The following NXPH1 variants were observed in gnomAD, a reference collection of about 807,000 sequenced individuals.
NXPH1 encodes neurexophilin-1.
A neutral mutation model predicts 23.7 loss-of-function variants in NXPH1; 5 were observed. That is an observed-to-expected ratio of 0.21 (90% CI 0.11 to 0.44). The LOEUF (loss-of-function observed/expected upper bound fraction) is 0.44, where lower values mean the gene tolerates loss of function less well. Ranked by LOEUF, NXPH1 falls within the 20% of genes least tolerant of loss-of-function variation. The pLI, the probability that NXPH1 is intolerant of heterozygous loss-of-function variation, is 0.99. For missense variants in NXPH1, 324 were observed against 321.6 expected (o/e 1.01, Z -0.06); for synonymous variants, 144 against 122.2 (o/e 1.18, Z -1.18).
chr7:8,659,548 C>G (rs1820636662), intron 2 of NXPH1, among the ~76,000 whole-genome samples: 1 of 152,026 alleles, frequency 6.6e-6, no homozygotes, highest in African/African-American at 2.4e-5. Context: ...CACTTGGACA[C>G]AGGAAGGGGA....
Position 8,751,446 on chromosome 7 carries a change from G to T in NXPH1, c.493G>T (p.Val165Phe), listed in dbSNP as rs911336556. 1 of 1,613,724 alleles carries T rather than the reference G, an allele frequency of 6.2e-7. No homozygotes were observed. Among genetic ancestry groups the T allele is most frequent in the Non-Finnish European group, 8.5e-7 (1 of 1,179,846 alleles). The change falls in exon 3 of 3, where the codon GTC (valine) becomes TTC (phenylalanine). Residue 165 changes from valine to phenylalanine, a missense_variant. Physicochemically the swap from Val to Phe is conservative, Grantham distance 50 (BLOSUM62 -1). Coordinates refer to ENST00000405863, the MANE Select transcript of NXPH1 (RefSeq NM_152745.3). This position sits in a 1 kb window ranked among gnomAD's most constrained non-coding sequence, Gnocchi z 4.5. Reference sequence around the variant, plus strand: ...TTCAACTGGTCAAGGGAATGTATCTGTCAGCTTGGTACCCCCTACAAAAAT... The same window carrying T: ...TTCAACTGGTCAAGGGAATGTATCTTTCAGCTTGGTACCCCCTACAAAAAT... ...HNSTGQGNVS[V>F]SLVPPTKIVE...
chr7:8,609,070 T>A (rs1356574779), intron 2 of NXPH1, among the ~76,000 whole-genome samples: 1 of 152,172 alleles, frequency 6.6e-6, no homozygotes. Context: ...CATCACTGTT[T>A]ACAAGAACCT....
At chr7:8,568,177 C>T (rs1818580875) in intron 2 of NXPH1, among the ~76,000 whole-genome samples, 1 of 151,690 alleles carries the variant, frequency 6.6e-6, no homozygotes, top group Non-Finnish European at 1.5e-5. Flanking sequence ...ATGGTAGAAA[C>T]CTCTGTTGAC....
At chr7:8,461,583 C>T (rs920223683) in intron 2 of NXPH1, among the ~76,000 whole-genome samples, 4 of 151,898 alleles carry the variant, frequency 2.6e-5, no homozygotes, top group Admixed American at 1.3e-4. Flanking sequence ...GTAATCCCAG[C>T]ACTTTGGGAG....
At chr7:8,472,377 T>C (rs1337522650) in intron 2 of NXPH1, among the ~76,000 whole-genome samples, 2 of 152,194 alleles carry the variant, frequency 1.3e-5, no homozygotes, top group Non-Finnish European at 1.5e-5. Flanking sequence ...ATGATTTCAT[T>C]TGATTCCTTG....
In NXPH1 at chr7:8,513,879, T is replaced by A. The variant is rs567800593; in HGVS notation, c.54+78112T>A. 2.0e-5 allele frequency among the ~76,000 whole-genome samples: 3 copies of A among 152,232 alleles called. No individual in the cohort carries two copies. In the South Asian group the frequency reaches 6.2e-4, roughly 32 times the overall value. On this transcript the variant is annotated intron_variant, in intron 2 of 2. Transcript: ENST00000405863. Reference sequence around the variant, plus strand: ...ACAACAGAAACGTATTGTCTCTCAGTTCTGGAGACTACAAGTCTGAAATCA... The same window carrying A: ...ACAACAGAAACGTATTGTCTCTCAGATCTGGAGACTACAAGTCTGAAATCA...
intron 2 of NXPH1, among the ~76,000 whole-genome samples, chr7:8,578,945 T>A (rs2189462): frequency 0.36 from 55,404 of 152,070 alleles, 11,841 homozygotes; most frequent in African/African-American, 0.6. Context: ...CAACATGTGT[T>A]GTTTGAAAAC....
intron 2 of NXPH1, among the ~76,000 whole-genome samples, chr7:8,605,778 A>T (rs886835357): frequency 3.9e-5 from 6 of 152,200 alleles, no homozygotes; most frequent in Middle Eastern, 6.8e-3. Context: ...TAAGATTAGG[A>T]AGAAAAAGCA....
Position 8,706,269 on chromosome 7 carries a change from A to T in NXPH1, c.55-44739A>T, listed in dbSNP as rs554938826. Among the ~76,000 whole-genome samples, 3 of 152,310 alleles carry T rather than the reference A, an allele frequency of 2.0e-5. No individual in the cohort carries two copies. The East Asian group carries it at 5.8e-4, about 29-fold the overall frequency. The stretch of plus-strand genomic sequence containing the variant: ...TTTAGCTGCCATCATAAACTATTTG[A>T]TTGGGCATGTGTGCAACAATTTATC... On this transcript the variant is annotated intron_variant, in intron 2 of 2. Coordinates refer to ENST00000405863, the MANE Select transcript of NXPH1 (RefSeq NM_152745.3).
At chr7:8,743,753 G>A (rs1379408708) in intron 2 of NXPH1, among the ~76,000 whole-genome samples, 1 of 147,858 alleles carries the variant, frequency 6.8e-6, no homozygotes, top group Non-Finnish European at 1.5e-5. Flanking sequence ...GCGTGATCTT[G>A]GTTCACTGCA....
intron 2 of NXPH1, among the ~76,000 whole-genome samples, chr7:8,719,143 T>G (rs1779924952): frequency 6.6e-6 from 1 of 152,230 alleles, no homozygotes; most frequent in Non-Finnish European, 1.5e-5. Context: ...TCTTAAAAAT[T>G]TAATTATTCA....
At chr7:8,595,379 C>T (rs556937821) in intron 2 of NXPH1, among the ~76,000 whole-genome samples, 1 of 151,522 alleles carries the variant, frequency 6.6e-6, no homozygotes, top group Non-Finnish European at 1.5e-5. Flanking sequence ...TTATTTTTTA[C>T]TTAAGAAAAA....
chr7:8,475,964 C>T (rs145020979), intron 2 of NXPH1, among the ~76,000 whole-genome samples: 3 of 152,100 alleles, frequency 2.0e-5, no homozygotes, highest in East Asian at 1.9e-4. Context: ...CTCACCTTGC[C>T]AGCAAGGAAT....
chr7:8,686,200 C>G (rs1028773826), intron 2 of NXPH1, among the ~76,000 whole-genome samples: 1 of 152,078 alleles, frequency 6.6e-6, no homozygotes, highest in Non-Finnish European at 1.5e-5. Flanking sequence ...GCAAACATGC[C>G]TGATATTTTA....
chr7:8,495,690 G>T (rs191954306), intron 2 of NXPH1, among the ~76,000 whole-genome samples: 57 of 152,154 alleles, frequency 3.7e-4, no homozygotes, highest in African/African-American at 1.3e-3. Context: ...AGTGGGATGG[G>T]TGTTACCTCC....
chr7:8,620,426 C>CTT (rs1212364162), intron 2 of NXPH1, among the ~76,000 whole-genome samples: 2 of 152,168 alleles, frequency 1.3e-5, no homozygotes, highest in African/African-American at 4.8e-5. Flanking sequence ...GCTGCCTCTT[C>CTT]TTGTCATGGT....
At chr7:8,526,523 G>C (rs1008503649) in intron 2 of NXPH1, among the ~76,000 whole-genome samples, 2 of 152,160 alleles carry the variant, frequency 1.3e-5, no homozygotes, top group African/African-American at 4.8e-5. Flanking sequence ...ATATGGTTTG[G>C]CTGTTTCCCC....
At chr7:8,453,502 C>T (rs968954532) in intron 2 of NXPH1, among the ~76,000 whole-genome samples, 6 of 152,040 alleles carry the variant, frequency 3.9e-5, no homozygotes, top group Non-Finnish European at 5.9e-5. Context: ...TGAACAAATA[C>T]GCTCTTACTC....
chr7:8,544,434 T>C (rs1818170258), intron 2 of NXPH1, among the ~76,000 whole-genome samples: 1 of 151,540 alleles, frequency 6.6e-6, no homozygotes. Flanking sequence ...AAACCTCTAC[T>C]TACAGACAAA....
Sources: allele counts gnomAD v4.1 joint callset (sites outside exome capture counted in the v4.1 genomes callset), GRCh38; gene constraint gnomAD v4.1.1; non-coding constraint Gnocchi (gnomAD v3.1); transcripts MANE v1.5; gene names NCBI Gene and HGNC (gene_info 2026-07-23, HGNC 2026-07-21).